The following MYH16 variants were observed in gnomAD, a reference collection of about 807,000 sequenced individuals.
The protein encoded by MYH16 is putative uncharacterized protein MYH16.
chr7:99,294,116 C>T (rs1216457657), exon 33 of MYH16: 1 of 456,256 alleles, frequency 2.2e-6, no homozygotes, highest in Non-Finnish European at 4.4e-6. Context: ...AGACTCCAGG[C>T]AGAAGTTGAG....
chr7:99,293,093 C>G (rs1229663853), intron 32 of MYH16, among the ~76,000 whole-genome samples: 1 of 152,150 alleles, frequency 6.6e-6, no homozygotes, highest in Non-Finnish European at 1.5e-5. Context: ...CAGGGAAGCC[C>G]TGTGAGTGAG....
At position 99,253,769 on chromosome 7, in the gene MYH16, A is replaced by C. The variant is rs536332206; in HGVS notation, n.836A>C. ...CGTGTCATCTCACAGCAAGCAGCCG[A>C]GAGAAGCTACCACATCTTCTACCAG... On this transcript the variant is annotated non_coding_transcript_exon_variant, in exon 8 of 42. Coordinates refer to ENST00000439784, the Ensembl canonical transcript of MYH16. 4.5e-5 allele frequency: 9 copies of C among 200,850 alleles called. No individual in the cohort carries two copies. In the South Asian group the frequency reaches 9.9e-4, roughly 22 times the overall value. 12.4% of individuals were successfully genotyped at this position (200,850 alleles called of 1,614,324 possible). A position where few individuals can be genotyped will look rare whatever the true frequency, so the allele number is the denominator to read the frequency against.
chr7:99,296,829 C>T (rs1001008435), exon 34 of MYH16: 4 of 457,016 alleles, frequency 8.8e-6, no homozygotes, highest in African/African-American at 6.0e-5. Flanking sequence ...GCCGCATGTA[C>T]ATGACAGAGA....
intron 18 of MYH16, among the ~76,000 whole-genome samples, chr7:99,267,550 AT>A (rs1214665549): frequency 6.6e-6 from 1 of 152,204 alleles, no homozygotes; most frequent in Non-Finnish European, 1.5e-5. Context: ...GTGTCCAAGA[AT>A]AAAAAGGGCC....
chr7:99,246,977 C>T (rs761738446), intron 2 of MYH16, among the ~76,000 whole-genome samples: 1 of 152,144 alleles, frequency 6.6e-6, no homozygotes. Flanking sequence ...TTGAAAATAT[C>T]ATAAATCGAC....
Position 99,263,292 on chromosome 7 carries a change from G to A in MYH16, n.1756-42G>A, listed in dbSNP as rs531179689. The A allele has an allele frequency of 5.4e-4, 83 of 153,084 alleles. 1 individual carries two copies. The Middle Eastern group carries it at 0.01, about 19-fold the overall frequency. 9.5% of individuals were successfully genotyped at this position (153,084 alleles called of 1,614,324 possible). A position where few individuals can be genotyped will look rare whatever the true frequency, so the allele number is the denominator to read the frequency against. ...CTAGCTGTGGCACCTGAAAGGGAGA[G>A]GCTGAACCTCAAAGTTACCCACTGG... is the stretch of plus-strand genomic sequence containing the variant. On this transcript the variant is annotated intron_variant and non_coding_transcript_variant, in intron 13 of 41. Coordinates refer to ENST00000439784, the Ensembl canonical transcript of MYH16.
chr7:99,295,836 G>GAAAAAAA (rs869299904), intron 33 of MYH16, among the ~76,000 whole-genome samples: 1 of 56,792 alleles, frequency 1.8e-5, no homozygotes, highest in Admixed American at 2.1e-4. Context: ...TCATCTCTTG[G>GAAAAAAA]AAAAAAAAAA....
rs180679575 is a variant in MYH16 at position 99,291,355 on chromosome 7, G to C, written n.3857G>C. ...TAGTGAACTGAGCAGGGAATATGAAGAGTCCCAGAGCCGGCTCAATCAAAT... is the reference window on the plus strand; with the variant it reads ...TAGTGAACTGAGCAGGGAATATGAACAGTCCCAGAGCCGGCTCAATCAAAT... On this transcript the variant is annotated non_coding_transcript_exon_variant, in exon 31 of 42. Transcript: ENST00000439784. 9 of 456,738 alleles carry C rather than the reference G, an allele frequency of 2.0e-5. No individual in the cohort carries two copies. The East Asian group carries it at 6.3e-4, about 32-fold the overall frequency. The allele number at this position is 456,738 out of a possible 1,614,324, so 28.3% of individuals were successfully genotyped here.
chr7:99,309,773 C>T (rs17161662), downstream of MYH16, among the ~76,000 whole-genome samples: 26,407 of 152,238 alleles, frequency 0.17, 3,407 homozygotes, highest in African/African-American at 0.37. Context: ...ACTTCCATGC[C>T]ATCAGGCTGC....
chr7:99,277,452 C>T (rs989513101), intron 20 of MYH16, 87 bp from the exon 3 acceptor site: 3 of 386,518 alleles, frequency 7.8e-6, no homozygotes, highest in East Asian at 7.2e-5. Flanking sequence ...TGTGAGGTCA[C>T]GCCTGAGGCA....
intron 22 of MYH16, among the ~76,000 whole-genome samples, 191 bp downstream of exon 4, chr7:99,279,928 G>T (rs1792178788): frequency 6.6e-6 from 1 of 152,128 alleles, no homozygotes; most frequent in Non-Finnish European, 1.5e-5. Context: ...CTGGAGGGCA[G>T]TAGTGCGACC....
chr7:99,273,672 T>A (rs1017741153), intron 20 of MYH16, among the ~76,000 whole-genome samples: 1 of 151,902 alleles, frequency 6.6e-6, no homozygotes, highest in South Asian at 2.1e-4. Context: ...GGCAGGAGGA[T>A]TGCTTGAGGC....
At chr7:99,298,223 G>A (rs538959924) in intron 36 of MYH16, among the ~76,000 whole-genome samples, 1 of 151,712 alleles carries the variant, frequency 6.6e-6, no homozygotes, top group Non-Finnish European at 1.5e-5. Flanking sequence ...GGTTTTTTTG[G>A]GGGTTCTTTT....
chr7:99,294,554 AAT>A (rs1554339324), intron 33 of MYH16, among the ~76,000 whole-genome samples: 5 of 132,884 alleles, frequency 3.8e-5, no homozygotes, highest in Non-Finnish European at 7.6e-5. Context: ...AGAAAAAAAA[AAT>A]ATATATATAT....
intron 30 of MYH16, among the ~76,000 whole-genome samples, chr7:99,289,833 A>C (rs1393161235): frequency 2.6e-5 from 4 of 152,218 alleles, no homozygotes; most frequent in Non-Finnish European, 5.9e-5. Context: ...GAAACGCTAA[A>C]ATAACTTTGC....
At chr7:99,269,584 T>C (rs961153875) in intron 18 of MYH16, among the ~76,000 whole-genome samples, 1 of 152,146 alleles carries the variant, frequency 6.6e-6, no homozygotes, top group Non-Finnish European at 1.5e-5. Flanking sequence ...CTTATTTCCT[T>C]ACCTTTCAAA....
intron 21 of MYH16, 130 bp from the exon 4 acceptor site, chr7:99,279,380 A>AG: frequency 6.0e-6 from 2 of 332,990 alleles, no homozygotes. Context: ...AAAAAAAAAA[A>AG]AGGAGCTCGA....
At chr7:99,253,576 C>CCG (rs1413731011) in intron 7 of MYH16, 1 of 151,786 alleles carries the variant, frequency 6.6e-6, no homozygotes, top group African/African-American at 2.4e-5. Context: ...AGTCAGGTCC[C>CCG]CGGAGGCTGC....
intron 18 of MYH16, among the ~76,000 whole-genome samples, chr7:99,267,621 C>T (rs1792000650): frequency 6.6e-6 from 1 of 152,210 alleles, no homozygotes. Flanking sequence ...AGAGCCTGGA[C>T]AATGAAGCAC....
Sources: gnomAD v4.1 joint callset for allele counts (sites outside exome capture counted in the v4.1 genomes callset) on GRCh38, gnomAD v4.1.1 for gene constraint, MANE v1.5 for transcripts, NCBI Gene and HGNC (gene_info 2026-07-23, HGNC 2026-07-21) for gene names.